The following SGCZ variants were observed in gnomAD, a reference collection of about 807,000 sequenced individuals.
SGCZ encodes the protein zeta-sarcoglycan.
SGCZ carries 40 observed loss-of-function variants against 41.3 expected under a neutral mutation model. The observed-to-expected ratio is 0.97, with a 90% CI of 0.75 to 1.26. The LOEUF (loss-of-function observed/expected upper bound fraction) is 1.26, where lower values mean the gene tolerates loss of function less well. SGCZ is among the 50% of genes most tolerant of loss of function. SGCZ has a pLI of 0.00. For synonymous variants in SGCZ, 206 were observed against 137.5 expected (o/e 1.50, Z -3.49); for missense variants, 552 against 369.8 (o/e 1.49, Z -4.04).
At chr8:14,545,347 A>G (rs1803593049) in intron 2 of SGCZ, among the ~76,000 whole-genome samples, 1 of 152,022 alleles carries the variant, frequency 6.6e-6, no homozygotes, top group Non-Finnish European at 1.5e-5. Flanking sequence ...TTAAGATAAT[A>G]TTATCTTTGC....
chr8:14,680,649 G>A (rs1214363729), intron 1 of SGCZ, among the ~76,000 whole-genome samples: 1 of 151,916 alleles, frequency 6.6e-6, no homozygotes, highest in Admixed American at 6.6e-5. Flanking sequence ...GCATGAGACT[G>A]GTGAGGAGAG....
intron 1 of SGCZ, among the ~76,000 whole-genome samples, chr8:14,996,535 G>A (rs1802226408): frequency 6.6e-6 from 1 of 152,170 alleles, no homozygotes; most frequent in Admixed American, 6.5e-5. Context: ...CCAAGTAGCT[G>A]GGAGTACAGG....
chr8:14,499,258 A>C (rs1230468507), intron 2 of SGCZ, among the ~76,000 whole-genome samples: 1 of 151,976 alleles, frequency 6.6e-6, no homozygotes, highest in East Asian at 1.9e-4. Context: ...GAATTGGGTA[A>C]ATTTCTTTTC....
At chr8:14,200,410 T>G (rs1458260890) in intron 4 of SGCZ, among the ~76,000 whole-genome samples, 1 of 152,168 alleles carries the variant, frequency 6.6e-6, no homozygotes, top group Non-Finnish European at 1.5e-5. Flanking sequence ...AAAATTATTT[T>G]TATAAAGAAG....
chr8:14,142,083 C>T (rs4831536), intron 5 of SGCZ, among the ~76,000 whole-genome samples: 22,589 of 152,064 alleles, frequency 0.15, 2,672 homozygotes, highest in East Asian at 0.62. Context: ...AACCAAACAC[C>T]GCATGTTCTC....
chr8:14,290,522 C>A (rs1800803669), intron 3 of SGCZ, among the ~76,000 whole-genome samples: 1 of 151,812 alleles, frequency 6.6e-6, no homozygotes, highest in Non-Finnish European at 1.5e-5. Flanking sequence ...AAAAATGGGT[C>A]AAAAACCTGA....
chr8:15,186,093 T>TA (rs1325760040), intron 1 of SGCZ, among the ~76,000 whole-genome samples: 1 of 98,804 alleles, frequency 1.0e-5, no homozygotes, highest in South Asian at 3.0e-4. Flanking sequence ...AAAAAATAAA[T>TA]AAAAAAATAA....
chr8:14,994,704 G>A (rs1371300555), intron 1 of SGCZ, among the ~76,000 whole-genome samples: 3 of 152,038 alleles, frequency 2.0e-5, no homozygotes, highest in Non-Finnish European at 2.9e-5. Context: ...CTAGAATACT[G>A]CATGGTCTAC....
chr8:15,202,423 C>G (rs1054768391), intron 1 of SGCZ, among the ~76,000 whole-genome samples: 4 of 152,180 alleles, frequency 2.6e-5, no homozygotes, highest in Non-Finnish European at 5.9e-5. Context: ...ATTGTGTCTT[C>G]TCACACATAA....
At chr8:14,290,734 G>A (rs1800811359) in intron 3 of SGCZ, among the ~76,000 whole-genome samples, 1 of 64,094 alleles carries the variant, frequency 1.6e-5, no homozygotes, top group East Asian at 3.9e-4. Context: ...CACTGCTGGT[G>A]GGAATGTAAA....
chr8:14,253,217 GCTTCTAAAAA>G (rs1799346105), intron 3 of SGCZ, among the ~76,000 whole-genome samples: 1 of 79,904 alleles, frequency 1.3e-5, no homozygotes, highest in African/African-American at 5.2e-5. Context: ...CTAAAAATAT[GCTTCTAAAAA>G]ATAAGTTGTG....
chr8:14,523,286 T>A (rs529163252), intron 2 of SGCZ, among the ~76,000 whole-genome samples: 1 of 151,986 alleles, frequency 6.6e-6, no homozygotes, highest in African/African-American at 2.4e-5. Flanking sequence ...TATTTTCATT[T>A]CCCTTTTATT....
At chr8:14,861,115 G>A (rs186635063) in intron 1 of SGCZ, among the ~76,000 whole-genome samples, 5 of 152,262 alleles carry the variant, frequency 3.3e-5, no homozygotes, top group South Asian at 4.1e-4. Context: ...AATGTGTTAC[G>A]TCTGTGACTA....
chr8:14,929,741 T>C (rs1285143034), intron 1 of SGCZ, among the ~76,000 whole-genome samples: 1 of 152,006 alleles, frequency 6.6e-6, no homozygotes, highest in Non-Finnish European at 1.5e-5. Context: ...AATGCAGGTT[T>C]TCATGGGTAA....
At chr8:14,160,551 G>T (rs912393835) in intron 5 of SGCZ, among the ~76,000 whole-genome samples, 1 of 152,154 alleles carries the variant, frequency 6.6e-6, no homozygotes, top group Non-Finnish European at 1.5e-5. Flanking sequence ...GATACAGAGA[G>T]GACATGTTAA....
intron 3 of SGCZ, among the ~76,000 whole-genome samples, chr8:14,258,966 C>T (rs1799557994): frequency 6.6e-6 from 1 of 152,126 alleles, no homozygotes; most frequent in South Asian, 2.1e-4. Flanking sequence ...CCTTAGAAAA[C>T]GTTCAGCAAG....
chr8:15,022,130 A>C (rs959827915), intron 1 of SGCZ, among the ~76,000 whole-genome samples: 5 of 152,186 alleles, frequency 3.3e-5, no homozygotes, highest in African/African-American at 1.2e-4. Context: ...TGATAATTTC[A>C]AACTCTTCTA....
At position 14,085,905 on chromosome 8, in the gene SGCZ, A is replaced by G. The variant is rs141428513; in HGVS notation, c.*4538T>C. Among the ~76,000 whole-genome samples the G allele has an allele frequency of 2.3e-3, 346 of 151,932 alleles. 3 individuals carry two copies. The highest frequency in any genetic ancestry group is 7.9e-3 in the African/African-American group (330 of 41,532). ...CAGCAGTGTTTTAGAGTTAAATACA[A>G]TAGAAATCCCATTCTTTGGTCTTTG... On this transcript the variant is annotated 3_prime_UTR_variant, in exon 8 of 8. Transcript: ENST00000382080.
intron 1 of SGCZ, among the ~76,000 whole-genome samples, chr8:15,088,624 C>T (rs1200261774): frequency 6.7e-6 from 1 of 148,782 alleles, no homozygotes; most frequent in Non-Finnish European, 1.5e-5. Context: ...TCCTAAGTTC[C>T]TCTCTAAAAA....
Sources: gnomAD v4.1 joint callset for allele counts (sites outside exome capture counted in the v4.1 genomes callset) on GRCh38, gnomAD v4.1.1 for gene constraint, MANE v1.5 for transcripts, NCBI Gene and HGNC (gene_info 2026-07-23, HGNC 2026-07-21) for gene names.